TMTC1: variants seen among roughly 807,000 people sequenced by gnomAD.
The protein encoded by TMTC1 is transmembrane O-mannosyltransferase targeting cadherins 1.
In TMTC1, 73 loss-of-function variants were observed where a neutral mutation model predicts 104.8. The observed-to-expected ratio is 0.70, with a 90% CI of 0.58 to 0.85. The LOEUF (loss-of-function observed/expected upper bound fraction) is 0.85, where lower values mean the gene tolerates loss of function less well. Among genes scored for constraint, TMTC1 ranks in the 40% least tolerant of loss-of-function variants. The pLI, the probability that TMTC1 is intolerant of heterozygous loss-of-function variation, is 0.00. For missense variants in TMTC1, 1,035 were observed against 1,096.1 expected, an observed-to-expected ratio of 0.94 and a Z score of 0.79; for synonymous variants, 434 against 428.7, an observed-to-expected ratio of 1.01 and a Z score of -0.15.
At chr12:29,557,232 A>G (rs1285650843) in intron 9 of TMTC1, among the ~76,000 whole-genome samples, 1 of 152,248 alleles carries the variant, frequency 6.6e-6, no homozygotes, top group African/African-American at 2.4e-5. Context: ...TAGTACAAGA[A>G]TAAATAGTAT....
chr12:29,669,812 G>C (rs1940435733), intron 5 of TMTC1, among the ~76,000 whole-genome samples: 1 of 152,186 alleles, frequency 6.6e-6, no homozygotes, highest in Non-Finnish European at 1.5e-5. Flanking sequence ...TGGCATTTAT[G>C]TGTCAAAGAG....
At chr12:29,736,266 A>G (rs1185158479) in intron 5 of TMTC1, among the ~76,000 whole-genome samples, 7 of 151,578 alleles carry the variant, frequency 4.6e-5, no homozygotes, top group Non-Finnish European at 1.0e-4. Flanking sequence ...AAAGCCAAAA[A>G]AAAAAAAAAA....
At chr12:29,585,343 C>T (rs1171284970) in intron 7 of TMTC1, among the ~76,000 whole-genome samples, 1 of 152,004 alleles carries the variant, frequency 6.6e-6, no homozygotes, top group Non-Finnish European at 1.5e-5. Flanking sequence ...GATATTAGCC[C>T]TTTGTCAGAT....
intron 5 of TMTC1, among the ~76,000 whole-genome samples, chr12:29,719,009 T>G (rs1041445072): frequency 2.0e-5 from 3 of 149,642 alleles, no homozygotes; most frequent in Non-Finnish European, 4.4e-5. Flanking sequence ...TAAAAAGAAA[T>G]GATACGATCT....
At chr12:29,604,036 G>A in intron 7 of TMTC1, 142 bp downstream of exon 7, 1 of 1,108,184 alleles carries the variant, frequency 9.0e-7, no homozygotes, top group Non-Finnish European at 1.3e-6. Context: ...CCTTCTGTGT[G>A]GCTGTTTTTA....
chr12:29,620,192 T>C (rs1183873600), intron 6 of TMTC1, among the ~76,000 whole-genome samples: 1 of 152,208 alleles, frequency 6.6e-6, no homozygotes, highest in Non-Finnish European at 1.5e-5. Context: ...TCAGCCTCCA[T>C]ACTGAGTGTT....
At chr12:29,741,701 C>G (rs1394409069) in intron 5 of TMTC1, among the ~76,000 whole-genome samples, 1 of 152,156 alleles carries the variant, frequency 6.6e-6, no homozygotes, top group Non-Finnish European at 1.5e-5. Flanking sequence ...TTCCATTGTT[C>G]AGGTTTTTCA....
At chr12:29,718,971 C>T (rs1042981547) in intron 5 of TMTC1, among the ~76,000 whole-genome samples, 18 of 149,550 alleles carry the variant, frequency 1.2e-4, no homozygotes, top group Non-Finnish European at 1.9e-4. Context: ...GTGGACTTAG[C>T]ATATTAGTCA....
rs556661893 is a variant in TMTC1, at chr12:29,519,218, A to T, written c.1889-611T>A. The T allele has an allele frequency of 4.6e-5, 7 of 151,176 alleles. No homozygotes were observed. In the East Asian group the frequency reaches 1.4e-3, roughly 29 times the overall value. The allele number at this position is 151,176 out of a possible 1,614,324, so 9.4% of individuals were successfully genotyped here. A position where few individuals can be genotyped will look rare whatever the true frequency, so the allele number is the denominator to read the frequency against. On this transcript the variant is annotated intron_variant, in intron 12 of 17. Coordinates refer to ENST00000539277, the MANE Select transcript of TMTC1 (RefSeq NM_001193451.2). ...GCATTATATATTTTTAAATACTTAC[A>T]TTTGTATGGTTTTTGCAGGTATTTT... is the stretch of plus-strand genomic sequence containing the variant.
At chr12:29,525,013 G>T (rs1944295274) in intron 11 of TMTC1, among the ~76,000 whole-genome samples, 1 of 151,952 alleles carries the variant, frequency 6.6e-6, no homozygotes, top group African/African-American at 2.4e-5. Flanking sequence ...TTGTTTTGGG[G>T]AGAAACTTTC....
intron 7 of TMTC1, 87 bp from the exon 8 acceptor site, chr12:29,583,661 A>G: frequency 1.6e-6 from 2 of 1,258,844 alleles, no homozygotes; most frequent in Non-Finnish European, 2.2e-6. Context: ...TAACTTTCAA[A>G]TGAAGCTTGT....
At chr12:29,717,647 A>G (rs1942122065) in intron 5 of TMTC1, among the ~76,000 whole-genome samples, 1 of 152,208 alleles carries the variant, frequency 6.6e-6, no homozygotes, top group African/African-American at 2.4e-5. Context: ...GAAGAGAGTT[A>G]GCAGTTGTAT....
intron 11 of TMTC1, chr12:29,529,860 T>C (rs1039688252): frequency 1.3e-5 from 2 of 152,200 alleles, no homozygotes; most frequent in African/African-American, 4.8e-5. Flanking sequence ...TTTTCTCATC[T>C]ACCAGCAGAA....
intron 5 of TMTC1, among the ~76,000 whole-genome samples, chr12:29,670,952 A>G (rs1940485209): frequency 9.0e-6 from 1 of 111,354 alleles, no homozygotes. Context: ...AAGAAAAAAA[A>G]GGATAGGAAT....
intron 6 of TMTC1, among the ~76,000 whole-genome samples, chr12:29,608,397 A>G (rs1483896224): frequency 6.6e-6 from 1 of 152,252 alleles, no homozygotes; most frequent in African/African-American, 2.4e-5. Context: ...ATTCATTTTT[A>G]GGACAAAGAA....
intron 5 of TMTC1, among the ~76,000 whole-genome samples, chr12:29,738,399 T>C (rs940349421): frequency 6.6e-6 from 1 of 152,226 alleles, no homozygotes; most frequent in Non-Finnish European, 1.5e-5. Flanking sequence ...TGTTTCTCAC[T>C]ATTGAAGCTC....
chr12:29,750,668 A>G (rs1334311946), intron 5 of TMTC1, among the ~76,000 whole-genome samples: 1 of 152,242 alleles, frequency 6.6e-6, no homozygotes, highest in Non-Finnish European at 1.5e-5. Flanking sequence ...AACAACAGCA[A>G]TCTGAAGTGG....
rs138766241 is a variant in TMTC1, at chr12:29,709,000, C to T, written c.938+42666G>A. Among the ~76,000 whole-genome samples, 1,335 of 152,008 alleles carry T rather than the reference C, an allele frequency of 8.8e-3. 24 individuals are homozygous for T. The highest frequency in any genetic ancestry group is 8.5e-3 in the Non-Finnish European group (580 of 67,986). ...ATATCCTTTCAGACTAGTTCTACAA[C>T]GAGAGAAAAATCACCAAGAAAGGAT... On this transcript the variant is annotated intron_variant, in intron 5 of 17. Transcript: ENST00000539277.
At chr12:29,545,629 T>TCACACACACACACACACACACACA (rs55958433) in intron 10 of TMTC1, among the ~76,000 whole-genome samples, 9 of 73,578 alleles carry the variant, frequency 1.2e-4, no homozygotes, top group African/African-American at 4.6e-4. Context: ...CAAGACTCTG[T>TCACACACACACACACACACACACA]CACACACACA....
Sources: gnomAD v4.1 joint callset for allele counts (sites outside exome capture counted in the v4.1 genomes callset) on GRCh38, gnomAD v4.1.1 for gene constraint, MANE v1.5 for transcripts, NCBI Gene and HGNC (gene_info 2026-07-23, HGNC 2026-07-21) for gene names.